TRPC4: variants seen among roughly 807,000 people sequenced by gnomAD.
TRPC4 encodes the protein short transient receptor potential channel 4.
Under a neutral mutation model 99.4 loss-of-function variants are expected in TRPC4, and 49 were observed. The ratio of observed to expected loss-of-function variants is 0.49; its 90% CI spans 0.39 to 0.63. TRPC4 has a LOEUF of 0.63. TRPC4 is among the 20% of genes least tolerant of loss of function. TRPC4 has a pLI of 0.00. For synonymous variants in TRPC4, 454 were observed against 425.9 expected (o/e 1.07, Z -0.81); for missense variants, 898 against 1,152.9 (o/e 0.78, Z 3.20).
At chr13:37,703,334 G>C (rs1057446834) in intron 3 of TRPC4, among the ~76,000 whole-genome samples, 1 of 151,998 alleles carries the variant, frequency 6.6e-6, no homozygotes, top group African/African-American at 2.4e-5. Context: ...GTGTTGATAA[G>C]TGGTACAACG....
chr13:37,815,257 C>T (rs1403705278), intron 1 of TRPC4, among the ~76,000 whole-genome samples: 3 of 151,660 alleles, frequency 2.0e-5, no homozygotes, highest in African/African-American at 7.3e-5. Flanking sequence ...ACAATCAAAC[C>T]TGCACATATC....
At chr13:37,859,599 G>A (rs1959211113) in intron 1 of TRPC4, among the ~76,000 whole-genome samples, 3 of 151,352 alleles carry the variant, frequency 2.0e-5, no homozygotes, top group South Asian at 2.1e-4. Flanking sequence ...TGAAAGTACC[G>A]AAATGAAATG....
intron 2 of TRPC4, among the ~76,000 whole-genome samples, chr13:37,762,638 A>T (rs937722396): frequency 6.9e-6 from 1 of 145,934 alleles, no homozygotes; most frequent in Non-Finnish European, 1.5e-5. Flanking sequence ...AACACCGCAT[A>T]TTCTCACTCA....
chr13:37,839,134 C>A (rs1958657720), intron 1 of TRPC4, among the ~76,000 whole-genome samples: 1 of 152,138 alleles, frequency 6.6e-6, no homozygotes, highest in Non-Finnish European at 1.5e-5. Flanking sequence ...TTTATTACTG[C>A]TAGGGCAGTA....
intron 3 of TRPC4, among the ~76,000 whole-genome samples, chr13:37,710,784 C>T (rs1214080943): frequency 6.6e-6 from 1 of 151,474 alleles, no homozygotes; most frequent in Non-Finnish European, 1.5e-5. Context: ...AGATATCTGG[C>T]CATGGATTTT....
intron 1 of TRPC4, among the ~76,000 whole-genome samples, chr13:37,843,288 A>T (rs1320764508): frequency 6.6e-6 from 1 of 152,230 alleles, no homozygotes; most frequent in Non-Finnish European, 1.5e-5. Flanking sequence ...CTAGTCACTC[A>T]TCAAATGTTA....
intron 1 of TRPC4, among the ~76,000 whole-genome samples, chr13:37,842,358 A>G (rs1958763083): frequency 6.9e-6 from 1 of 143,972 alleles, no homozygotes; most frequent in African/African-American, 2.6e-5. Context: ...AAAAAAAAAA[A>G]AAAAAAAAAA....
intron 4 of TRPC4, among the ~76,000 whole-genome samples, chr13:37,683,222 C>A (rs1204526982): frequency 6.6e-6 from 1 of 152,108 alleles, no homozygotes; most frequent in African/African-American, 2.4e-5. Context: ...TACTACCTCA[C>A]CCCTGCTGGG....
chr13:37,775,406 G>GTT (rs5802899), intron 2 of TRPC4, among the ~76,000 whole-genome samples: 129 of 147,008 alleles, frequency 8.8e-4, no homozygotes, highest in African/African-American at 3.0e-3. Flanking sequence ...TTATTTATTT[G>GTT]TTTTTTTTTA....
chr13:37,772,378 G>A (rs891574848), intron 2 of TRPC4, among the ~76,000 whole-genome samples: 6 of 151,620 alleles, frequency 4.0e-5, no homozygotes, highest in African/African-American at 1.5e-4. Context: ...ATGAACAAAC[G>A]TTAAAGAGAG....
At chr13:37,732,970 AC>A (rs1412118852) in intron 3 of TRPC4, among the ~76,000 whole-genome samples, 1 of 152,176 alleles carries the variant, frequency 6.6e-6, no homozygotes, top group Non-Finnish European at 1.5e-5. Context: ...GAAATGAAAA[AC>A]AAAACAAAAC....
intron 2 of TRPC4, among the ~76,000 whole-genome samples, chr13:37,777,471 A>T (rs1046996549): frequency 4.0e-5 from 6 of 151,868 alleles, no homozygotes; most frequent in African/African-American, 7.3e-5. Flanking sequence ...AACCATTAGA[A>T]ATCACCCCAT....
chr13:37,750,277 A>G (rs1955898367), intron 2 of TRPC4, among the ~76,000 whole-genome samples: 1 of 152,036 alleles, frequency 6.6e-6, no homozygotes, highest in Non-Finnish European at 1.5e-5. Context: ...GCTCTTATGA[A>G]GATTTTATTT....
At chr13:37,797,105 A>G (rs1957277858) in intron 1 of TRPC4, among the ~76,000 whole-genome samples, 1 of 151,782 alleles carries the variant, frequency 6.6e-6, no homozygotes, top group Admixed American at 6.6e-5. Flanking sequence ...GCTTTAGCCC[A>G]GGAGGTCCAG....
chr13:37,694,783 A>G (rs1418482910), intron 3 of TRPC4, among the ~76,000 whole-genome samples: 7 of 152,216 alleles, frequency 4.6e-5, no homozygotes, highest in Non-Finnish European at 5.9e-5. Context: ...TAAGAAGAGC[A>G]GGAGTGAGTG....
intron 5 of TRPC4, among the ~76,000 whole-genome samples, chr13:37,668,950 C>A (rs1952744564): frequency 6.6e-6 from 1 of 152,112 alleles, no homozygotes; most frequent in Non-Finnish European, 1.5e-5. Context: ...AGATTCAAAT[C>A]TTTATAGCTT....
chr13:37,827,515 G>C (rs984853188), intron 1 of TRPC4, among the ~76,000 whole-genome samples: 5 of 152,016 alleles, frequency 3.3e-5, no homozygotes, highest in Non-Finnish European at 7.4e-5. Context: ...CTGCAGGTCT[G>C]TTGGAGTACC....
chr13:37,743,929 C>T (rs116639597), intron 3 of TRPC4, among the ~76,000 whole-genome samples: 2,280 of 152,142 alleles, frequency 0.015, 44 homozygotes, highest in African/African-American at 0.052. Flanking sequence ...AATGCCATGA[C>T]CAAAATGAGT....
At chr13:37,754,220 T>C (rs1956035658) in intron 2 of TRPC4, among the ~76,000 whole-genome samples, 1 of 152,120 alleles carries the variant, frequency 6.6e-6, no homozygotes, top group Non-Finnish European at 1.5e-5. Context: ...TCCCTCTCCT[T>C]TGCTTTATTC....
Sources: gnomAD v4.1 joint callset for allele counts (sites outside exome capture counted in the v4.1 genomes callset) on GRCh38, gnomAD v4.1.1 for gene constraint, MANE v1.5 for transcripts, NCBI Gene and HGNC (gene_info 2026-07-23, HGNC 2026-07-21) for gene names.